TXNDC12: variants seen among roughly 807,000 people sequenced by gnomAD.
TXNDC12 encodes thioredoxin domain containing 12, also known as thioredoxin domain-containing protein 12.
Under a neutral mutation model 24.2 loss-of-function variants are expected in TXNDC12, and 22 were observed. The observed-to-expected ratio is 0.91, with a 90% confidence interval of 0.65 to 1.30. The LOEUF (loss-of-function observed/expected upper bound fraction) is 1.30, where lower values mean the gene tolerates loss of function less well. Among genes scored for constraint, TXNDC12 ranks in the 50% most tolerant of loss-of-function variants. The probability of loss-of-function intolerance (pLI) is 0.00; values close to 1 mark genes in which losing one functional copy is unlikely to be tolerated. For missense variants in TXNDC12, 184 were observed against 205.8 expected, an observed-to-expected ratio of 0.89 and a Z score of 0.65; for synonymous variants, 58 against 73.4, an observed-to-expected ratio of 0.79 and a Z score of 1.07.
At chr1:52,055,197 T>TA, upstream of TXNDC12, 1 of 756,478 alleles carries the variant, frequency 1.3e-6, no homozygotes, top group South Asian at 1.6e-5. Flanking sequence ...ACAACACCTC[T>TA]ACTTCCCAGA....
chr1:52,033,308 G>A lies in TXNDC12; in HGVS notation c.159-4678C>T, dbSNP rs746833246. ...GAGTCCGCAGTATGCAGTTCCCTGA[G>A]GACGCTGCTGCCCGCCGCCTGGGCT... On this transcript the variant is annotated intron_variant, in intron 2 of 6. Transcript: ENST00000371626. 3.1e-6 allele frequency: 5 copies of A among 1,613,798 alleles called. No individual in the cohort carries two copies. Among genetic ancestry groups the A allele is most frequent in the Middle Eastern group, 1.6e-4 (1 of 6,084 alleles).
intron 1 of TXNDC12, among the ~76,000 whole-genome samples, chr1:52,042,330 C>T (rs980688477): frequency 2.0e-5 from 3 of 152,144 alleles, no homozygotes; most frequent in Admixed American, 1.3e-4. Flanking sequence ...CTTTCCAATG[C>T]CCTAAAGATA....
chr1:52,027,419 C>T, intron 3 of TXNDC12, 71 bp from the exon 4 acceptor site: 1 of 1,147,700 alleles, frequency 8.7e-7, no homozygotes, highest in Non-Finnish European at 1.3e-6. Flanking sequence ...CGAACATAAG[C>T]ATCACTATTT....
At chr1:52,040,145 G>A (rs1002598292) in intron 2 of TXNDC12, among the ~76,000 whole-genome samples, 1 of 151,780 alleles carries the variant, frequency 6.6e-6, no homozygotes, top group Non-Finnish European at 1.5e-5. Flanking sequence ...GTTGGCCAGG[G>A]TGGTCTTGAA....
chr1:52,037,664 G>GA (rs1016000716), intron 2 of TXNDC12, among the ~76,000 whole-genome samples: 3 of 152,180 alleles, frequency 2.0e-5, no homozygotes, highest in Non-Finnish European at 4.4e-5. Flanking sequence ...AACCAATCCA[G>GA]AAAAAGGGTT....
At chr1:52,021,043 T>C in intron 6 of TXNDC12, 31 bp from the exon 7 acceptor site, 1 of 1,507,866 alleles carries the variant, frequency 6.6e-7, no homozygotes, top group Non-Finnish European at 9.2e-7. Flanking sequence ...GAAAAAAGTA[T>C]GAAGTAAGTA....
chr1:52,040,852 G>A (rs1388325326), intron 2 of TXNDC12, among the ~76,000 whole-genome samples: 1 of 151,264 alleles, frequency 6.6e-6, no homozygotes, highest in Admixed American at 6.6e-5. Flanking sequence ...CCAACATGGT[G>A]AAACCCCGTC....
rs564708929 is a variant in TXNDC12 at position 52,044,839 on chromosome 1, G to A, written c.98-3242C>T. Among the ~76,000 whole-genome samples, 14 of 152,152 alleles carry A rather than the reference G, an allele frequency of 9.2e-5. No individual in the cohort carries two copies. In the South Asian group the frequency reaches 2.9e-3, roughly 32 times the overall value. On this transcript the variant is annotated intron_variant, in intron 1 of 6. Transcript: ENST00000371626. ...AATACAAAAAAGTTAGCCAGGTGCC[G>A]TGGTGCAAGCCAATAGTCCCAGCTA...
At chr1:52,049,704 A>AT (rs34937659) in intron 1 of TXNDC12, among the ~76,000 whole-genome samples, 8,069 of 143,636 alleles carry the variant, frequency 0.056, 249 homozygotes, top group East Asian at 0.13. Context: ...AAGCAATTGC[A>AT]TTTTTTTTTT....
chr1:52,032,133 A>C, intron 2 of TXNDC12: 1 of 964,248 alleles, frequency 1.0e-6, no homozygotes, highest in Non-Finnish European at 1.2e-6. Flanking sequence ...TATTAGAGGA[A>C]ATAATCTAGT....
At chr1:52,021,764 A>T (rs1685600738) in intron 6 of TXNDC12, among the ~76,000 whole-genome samples, 1 of 152,186 alleles carries the variant, frequency 6.6e-6, no homozygotes, top group Non-Finnish European at 1.5e-5. Context: ...GTTGAGCCAG[A>T]GTCTATGAAT....
At chr1:52,039,447 C>T (rs1287159232) in intron 2 of TXNDC12, among the ~76,000 whole-genome samples, 1 of 152,058 alleles carries the variant, frequency 6.6e-6, no homozygotes, top group Non-Finnish European at 1.5e-5. Context: ...CCTGCCTCAG[C>T]CTCCCAAGTA....
chr1:52,032,635 T>G, intron 2 of TXNDC12: 10 of 1,531,676 alleles, frequency 6.5e-6, no homozygotes, highest in Non-Finnish European at 8.7e-6. Flanking sequence ...CAGCCTATTT[T>G]TCCCAGAGAA....
intron 4 of TXNDC12, among the ~76,000 whole-genome samples, chr1:52,026,541 T>G (rs966006748): frequency 4.6e-5 from 7 of 152,232 alleles, no homozygotes; most frequent in African/African-American, 1.7e-4. Context: ...ATACCTTTAG[T>G]CTAGCTTTAC....
rs756703266 is a variant in TXNDC12 at position 52,027,290 on chromosome 1, A to C, written c.270T>G (p.Val90=). 17 of 1,612,696 alleles carry C rather than the reference A, an allele frequency of 1.1e-5. No homozygotes were observed. The South Asian group carries it at 1.9e-4, about 18-fold the overall frequency. ...AAAGTCTTACCTCAAGATTTACCATAACAAAATTATGGGAGAGTTCTGAAA... is the reference window on the plus strand; with the variant it reads ...AAAGTCTTACCTCAAGATTTACCATCACAAAATTATGGGAGAGTTCTGAAA... ...TEISELSHNF[V]MVNLEDEEEP... The change falls in exon 4 of 7, where the codon GTT becomes GTG. Residue 90 remains valine, a synonymous_variant. Coordinates refer to ENST00000371626, the MANE Select transcript of TXNDC12 (RefSeq NM_015913.4).
intron 1 of TXNDC12, among the ~76,000 whole-genome samples, chr1:52,050,210 G>C (rs1686174894): frequency 6.6e-6 from 1 of 152,054 alleles, no homozygotes; most frequent in Non-Finnish European, 1.5e-5. Context: ...GGAAAACTTG[G>C]GCCTTTTGTT....
Position 52,023,502 on chromosome 1 carries a change from C to A in TXNDC12, c.428G>T (p.Ser143Ile), listed in dbSNP as rs1685630541. 1 of 1,613,628 alleles carries A rather than the reference C, an allele frequency of 6.2e-7. No individual in the cohort carries two copies. The highest frequency in any genetic ancestry group is 1.3e-5 in the African/African-American group (1 of 74,920). The change falls in exon 6 of 7, where the codon AGT becomes ATT. Residue 143 changes from serine (S) to isoleucine (I), a missense_variant. Physicochemically the swap from Ser to Ile is moderately radical, Grantham distance 142. Coordinates refer to ENST00000371626, the MANE Select transcript of TXNDC12 (RefSeq NM_015913.4). ...GNPSYKYFYV[S>I]AEQVVQGMKE... The stretch of plus-strand genomic sequence containing the variant: ...CAGCATAACTATACCTTGCTCGGCA[C>A]TGACATAAAAATACTTGTAGCTGGG...
At chr1:52,026,923 C>T (rs968459661) in intron 4 of TXNDC12, among the ~76,000 whole-genome samples, 6 of 152,016 alleles carry the variant, frequency 3.9e-5, no homozygotes, top group Non-Finnish European at 5.9e-5. Context: ...GTAGTCCCAA[C>T]CACTCGGGAG....
rs571382988 is a variant in TXNDC12 at position 52,045,436 on chromosome 1, AT to A, written c.98-3840del. ...AATGAGGTCATTGCGGTGGGCCCTT[AT>A]CCTTATGAGAAGAGGAGATTAGGAC... is the stretch of plus-strand genomic sequence containing the variant. On this transcript the variant is annotated intron_variant, in intron 1 of 6. Coordinates refer to ENST00000371626, the MANE Select transcript of TXNDC12 (RefSeq NM_015913.4). Among the ~76,000 whole-genome samples, 377 of 152,296 alleles carry A rather than the reference AT, an allele frequency of 2.5e-3. 2 individuals are homozygous for A. Among genetic ancestry groups the A allele is most frequent in the Admixed American group, 4.3e-3 (65 of 15,286 alleles).
Sources: allele counts gnomAD v4.1 joint callset (sites outside exome capture counted in the v4.1 genomes callset), GRCh38; gene constraint gnomAD v4.1.1; transcripts MANE v1.5; gene names NCBI Gene and HGNC (gene_info 2026-07-23, HGNC 2026-07-21).